The following TMEM242 variants were observed in gnomAD, a reference collection of about 807,000 sequenced individuals.
TMEM242 encodes UPF0463 transmembrane protein C6orf35.
TMEM242 carries 10 observed loss-of-function variants against 18.2 expected under a neutral mutation model. The ratio of observed to expected loss-of-function variants is 0.55; its 90% CI spans 0.34 to 0.93. The LOEUF (loss-of-function observed/expected upper bound fraction) is 0.93. Among genes scored for constraint, TMEM242 ranks in the 40% least tolerant of loss-of-function variants. TMEM242 has a pLI of 0.02. For synonymous variants in TMEM242, 57 were observed against 69.9 expected (o/e 0.81, Z 0.92); for missense variants, 186 against 175.5 (o/e 1.06, Z -0.34).
At position 157,305,069 on chromosome 6, in the gene TMEM242, T is replaced by G. The variant is rs1361618103; in HGVS notation, c.328-12070A>C. On this transcript the variant is annotated intron_variant, in intron 3 of 3. Transcript: ENST00000400788. This position sits in a 1 kb window ranked among gnomAD's most constrained non-coding sequence, Gnocchi z 4.1. The stretch of plus-strand genomic sequence containing the variant: ...CAGGAAGCCACTGAAGGGTTTTAAA[T>G]AAGGAAGTAGCATGATCTGACTCAC... Among the ~76,000 whole-genome samples, 3 of 152,230 alleles carry G rather than the reference T, an allele frequency of 2.0e-5. No homozygotes were observed. The highest frequency in any genetic ancestry group is 2.0e-4 in the Admixed American group (3 of 15,286).
intron 3 of TMEM242, among the ~76,000 whole-genome samples, chr6:157,311,529 CGG>C (rs1562383221): frequency 5.7e-3 from 56 of 9,852 alleles, no homozygotes; most frequent in Non-Finnish European, 6.4e-3. Flanking sequence ...TGCACTCAAC[CGG>C]CCTCATCATA....
At chr6:157,321,248 T>G (rs970780138) in intron 2 of TMEM242, among the ~76,000 whole-genome samples, 3 of 152,136 alleles carry the variant, frequency 2.0e-5, no homozygotes, top group Admixed American at 2.0e-4. Flanking sequence ...GACCTCATGA[T>G]CCGCCCGCCT....
Position 157,289,798 on chromosome 6 carries a change from C to G in TMEM242, c.*3103G>C, listed in dbSNP as rs1017316206. The G allele has an allele frequency of 2.0e-5, 3 of 151,442 alleles. No homozygotes were observed. The highest frequency in any genetic ancestry group is 4.4e-5 in the Non-Finnish European group (3 of 67,960). The allele number at this position is 151,442 out of a possible 1,614,324, so 9.4% of individuals were successfully genotyped here. A position where few individuals can be genotyped will look rare whatever the true frequency, so the allele number is the denominator to read the frequency against. On this transcript the variant is annotated 3_prime_UTR_variant, in exon 4 of 4. Transcript: ENST00000400788. ...TGAAACTAAACAAAACATGTGACAG[C>G]CCAGGTGATTCGATGCCACCTTTTG...
intron 3 of TMEM242, among the ~76,000 whole-genome samples, chr6:157,313,717 C>T (rs1179816402): frequency 3.3e-5 from 4 of 120,636 alleles, no homozygotes; most frequent in Non-Finnish European, 7.4e-5. Flanking sequence ...CATAGTGTCC[C>T]CGTGTGTGCT....
At chr6:157,317,170 C>A (rs1778406816) in intron 3 of TMEM242, among the ~76,000 whole-genome samples, 1 of 152,138 alleles carries the variant, frequency 6.6e-6, no homozygotes, top group South Asian at 2.1e-4. Context: ...TTTTTTCCAG[C>A]TATGACCCCA....
chr6:157,290,325 T>C lies in TMEM242; in HGVS notation c.*2576A>G, dbSNP rs1554246768. 6.6e-6 allele frequency: 1 copy of C among 152,206 alleles called. No individual in the cohort carries two copies. Among genetic ancestry groups the C allele is most frequent in the African/African-American group, 2.4e-5 (1 of 41,452 alleles). The allele number at this position is 152,206 out of a possible 1,614,324, so 9.4% of individuals were successfully genotyped here. On this transcript the variant is annotated 3_prime_UTR_variant, in exon 4 of 4. Transcript: ENST00000400788. ...TTTCTAGTGCTCAGCCTCCATGAAA[T>C]GGATTGCTTATAGGGAGATAATGTC...
At chr6:157,320,610 A>G (rs1778476532) in intron 2 of TMEM242, among the ~76,000 whole-genome samples, 1 of 152,160 alleles carries the variant, frequency 6.6e-6, no homozygotes, top group Non-Finnish European at 1.5e-5. Flanking sequence ...AGCTGGGATT[A>G]CAGGTGCATG....
rs199650646 is a variant in TMEM242 at position 157,323,492 on chromosome 6, G to C, written c.8C>G (p.Thr3Arg). 10 of 1,613,894 alleles carry C rather than the reference G, an allele frequency of 6.2e-6. No homozygotes were observed. The highest frequency in any genetic ancestry group is 1.7e-5 in the Admixed American group (1 of 60,022). Residue 3 changes from threonine to arginine, a missense_variant, in exon 1 of 4, where the codon ACA (threonine) becomes AGA (arginine). Physicochemically the swap from Thr to Arg is moderately conservative, Grantham distance 71 (BLOSUM62 -1). Transcript: ENST00000400788. ME[T>R]AGAATGQPAS... is the part of the protein sequence containing the mutation. ...CGGCTGCCCAGTTGCAGCGCCCGCTGTCTCCATGTTTAGGTCGCCTCTAGT... is the reference window on the plus strand; with the variant it reads ...CGGCTGCCCAGTTGCAGCGCCCGCTCTCTCCATGTTTAGGTCGCCTCTAGT...
chr6:157,296,783 C>T (rs746115875), intron 3 of TMEM242, among the ~76,000 whole-genome samples: 19 of 152,226 alleles, frequency 1.2e-4, no homozygotes, highest in Non-Finnish European at 1.6e-4. Context: ...TCCCCAGTGC[C>T]GTGGGCCCAC....
intron 3 of TMEM242, among the ~76,000 whole-genome samples, chr6:157,293,871 C>G (rs782791312): frequency 6.6e-6 from 1 of 152,066 alleles, no homozygotes; most frequent in Non-Finnish European, 1.5e-5. Context: ...GTAGCTGGAA[C>G]TACAGGCATG....
At chr6:157,317,851 T>C (rs1778432636) in intron 3 of TMEM242, among the ~76,000 whole-genome samples, 2 of 152,236 alleles carry the variant, frequency 1.3e-5, no homozygotes, top group South Asian at 4.1e-4. Context: ...CTTTGCTGAC[T>C]TGACCTTCAA....
At chr6:157,303,253 G>A (rs1777853716) in intron 3 of TMEM242, among the ~76,000 whole-genome samples, 2 of 152,206 alleles carry the variant, frequency 1.3e-5, no homozygotes, top group Admixed American at 6.5e-5. Flanking sequence ...GTAGAGCTGA[G>A]TGAGTAAGGC....
intron 3 of TMEM242, among the ~76,000 whole-genome samples, chr6:157,307,480 C>T (rs145265965): frequency 6.6e-6 from 1 of 152,066 alleles, no homozygotes; most frequent in African/African-American, 2.4e-5. Flanking sequence ...AGCGGATTCC[C>T]CTGCTTGACT....
chr6:157,292,630 T>C lies in TMEM242; in HGVS notation c.*271A>G, dbSNP rs1136157. 0.26 allele frequency: 80,421 copies of C among 311,490 alleles called. 11,794 individuals carry two copies. Among genetic ancestry groups the C allele is most frequent in the East Asian group, 0.58 (11,110 of 19,246 alleles). 19.3% of individuals were successfully genotyped at this position (311,490 alleles called of 1,614,324 possible). On this transcript the variant is annotated 3_prime_UTR_variant, in exon 4 of 4. Coordinates refer to ENST00000400788, the MANE Select transcript of TMEM242 (RefSeq NM_018452.6). ...TTTGCTTCAACTGTTACAAACAGAATCATTTCCTATGGGGTCCCCTCCACA... is the reference window on the plus strand; with the variant it reads ...TTTGCTTCAACTGTTACAAACAGAACCATTTCCTATGGGGTCCCCTCCACA...
chr6:157,314,197 C>T (rs202137623), intron 3 of TMEM242, among the ~76,000 whole-genome samples: 1 of 151,228 alleles, frequency 6.6e-6, no homozygotes, highest in Non-Finnish European at 1.5e-5. Context: ...TCCCAGTGTG[C>T]GCTCACCTGG....
In TMEM242 at chr6:157,292,841, T is replaced by C; in HGVS notation, c.*60A>G. On this transcript the variant is annotated 3_prime_UTR_variant, in exon 4 of 4. Coordinates refer to ENST00000400788, the MANE Select transcript of TMEM242 (RefSeq NM_018452.6). ...ATCAGTCCCAGTCCTTTTGCTGTCA[T>C]GGTGTCTCCAGAGCCACCCCTTTCT... 7.6e-7 allele frequency: 1 copy of C among 1,319,696 alleles called. No individual in the cohort carries two copies. 81.7% of individuals were successfully genotyped at this position (1,319,696 alleles called of 1,614,324 possible).
At chr6:157,295,625 G>T (rs1223031979) in intron 3 of TMEM242, among the ~76,000 whole-genome samples, 1 of 152,130 alleles carries the variant, frequency 6.6e-6, no homozygotes, top group Non-Finnish European at 1.5e-5. Flanking sequence ...CTCTCCTTCG[G>T]CAGGGTTACG....
chr6:157,303,752 A>C lies in TMEM242; in HGVS notation c.328-10753T>G, dbSNP rs1777864367. ...TTTTGAAAGTCTTCTTTGTGATTTG[A>C]AAAATCATAGAATGCAAATTGTAGT... On this transcript the variant is annotated intron_variant, in intron 3 of 3. Coordinates refer to ENST00000400788, the MANE Select transcript of TMEM242 (RefSeq NM_018452.6). Among the ~76,000 whole-genome samples, 4 of 152,170 alleles carry C rather than the reference A, an allele frequency of 2.6e-5. No homozygotes were observed. The South Asian group carries it at 8.3e-4, about 32-fold the overall frequency.
chr6:157,292,697 C>T lies in TMEM242; in HGVS notation c.*204G>A, dbSNP rs1777699106. 2 of 415,298 alleles carry T rather than the reference C, an allele frequency of 4.8e-6. No individual in the cohort carries two copies. Among genetic ancestry groups the T allele is most frequent in the South Asian group, 1.8e-4 (2 of 10,992 alleles). The allele number at this position is 415,298 out of a possible 1,614,324, so 25.7% of individuals were successfully genotyped here. A position where few individuals can be genotyped will look rare whatever the true frequency, so the allele number is the denominator to read the frequency against. ...GTAATTACTATTTTTAAATAGTCTT[C>T]TTAACTGTGGGAAAACTTTACCCTC... On this transcript the variant is annotated 3_prime_UTR_variant, in exon 4 of 4. Coordinates refer to ENST00000400788, the MANE Select transcript of TMEM242 (RefSeq NM_018452.6).
Sources: gnomAD v4.1 joint callset for allele counts (sites outside exome capture counted in the v4.1 genomes callset) on GRCh38, gnomAD v4.1.1 for gene constraint, Gnocchi (gnomAD v3.1) non-coding constraint, MANE v1.5 for transcripts, NCBI Gene and HGNC (gene_info 2026-07-23, HGNC 2026-07-21) for gene names.